The following IPPK variants were observed in gnomAD, a reference collection of about 807,000 sequenced individuals.
The protein encoded by IPPK is inositol-pentakisphosphate 2-kinase.
In IPPK, 22 loss-of-function variants were observed where a neutral mutation model predicts 64.6. The observed-to-expected ratio is 0.34, with a 90% CI of 0.24 to 0.49. The LOEUF is 0.49. Among genes scored for constraint, IPPK ranks in the 20% least tolerant of loss-of-function variants. IPPK has a pLI of 0.99. For synonymous variants in IPPK, 262 were observed against 247.2 expected, an observed-to-expected ratio of 1.06 and a Z score of -0.56; for missense variants, 532 against 630.7, an observed-to-expected ratio of 0.84 and a Z score of 1.68.
chr9:92,669,692 A>G (rs1852684121), intron 1 of IPPK, among the ~76,000 whole-genome samples: 1 of 149,830 alleles, frequency 6.7e-6, no homozygotes, highest in South Asian at 2.1e-4. Flanking sequence ...GGGCAATGGG[A>G]GACTGACCCA....
At chr9:92,659,943 G>C (rs1234070180) in intron 1 of IPPK, among the ~76,000 whole-genome samples, 1 of 152,028 alleles carries the variant, frequency 6.6e-6, no homozygotes, top group African/African-American at 2.4e-5. Context: ...TGAGACCTGG[G>C]GAAGCCAAGA....
At chr9:92,624,746 TCA>T (rs1374361782) in intron 11 of IPPK, among the ~76,000 whole-genome samples, 5 of 140,536 alleles carry the variant, frequency 3.6e-5, no homozygotes, top group African/African-American at 1.2e-4. Flanking sequence ...TCACTTAAAG[TCA>T]CAGTTTCCAC....
In IPPK at chr9:92,615,758, A is replaced by G. The variant is rs535773552; in HGVS notation, c.*74T>C. On this transcript the variant is annotated 3_prime_UTR_variant, in exon 13 of 13. Transcript: ENST00000287996. Reference sequence around the variant, plus strand: ...AAACATTCACAACCAAAGGTCACCCAACACAACAGAAAATATCTCTATCAT... The same window carrying G: ...AAACATTCACAACCAAAGGTCACCCGACACAACAGAAAATATCTCTATCAT... 1,017 of 1,275,000 alleles carry G rather than the reference A, an allele frequency of 8.0e-4. 7 individuals are homozygous for G. The highest frequency in any genetic ancestry group is 1.3e-3 in the Middle Eastern group (5 of 3,940). The allele number at this position is 1,275,000 out of a possible 1,614,324, so 79.0% of individuals were successfully genotyped here. A position where few individuals can be genotyped will look rare whatever the true frequency, so the allele number is the denominator to read the frequency against.
At chr9:92,630,461 G>A (rs1019951651) in intron 11 of IPPK, among the ~76,000 whole-genome samples, 2 of 152,160 alleles carry the variant, frequency 1.3e-5, no homozygotes, top group Non-Finnish European at 2.9e-5. Context: ...CTGTGCTGAT[G>A]ATTGCACGTA....
chr9:92,647,493 A>G (rs946694130), intron 6 of IPPK, among the ~76,000 whole-genome samples: 3 of 152,054 alleles, frequency 2.0e-5, no homozygotes, highest in African/African-American at 7.2e-5. Flanking sequence ...TGATTCAAAA[A>G]CCCTCAACAA....
intron 11 of IPPK, among the ~76,000 whole-genome samples, chr9:92,629,128 A>G (rs903740210): frequency 6.6e-6 from 1 of 152,126 alleles, no homozygotes; most frequent in African/African-American, 2.4e-5. Flanking sequence ...TCTACCTGAA[A>G]TCACATACAA....
intron 3 of IPPK, among the ~76,000 whole-genome samples, chr9:92,652,911 A>G (rs1019497071): frequency 1.3e-5 from 2 of 152,214 alleles, no homozygotes; most frequent in Non-Finnish European, 2.9e-5. Flanking sequence ...GGCTGGGCCC[A>G]CGGTGGTGAC....
intron 6 of IPPK, among the ~76,000 whole-genome samples, chr9:92,645,468 C>T (rs1852133415): frequency 6.6e-6 from 1 of 151,776 alleles, no homozygotes; most frequent in African/African-American, 2.4e-5. Flanking sequence ...ACTAGAGGGG[C>T]TCAAGAACAG....
chr9:92,651,159 T>G (rs1229928592), intron 4 of IPPK, among the ~76,000 whole-genome samples: 1 of 152,034 alleles, frequency 6.6e-6, no homozygotes, highest in Non-Finnish European at 1.5e-5. Flanking sequence ...CATTCCTCCC[T>G]GCCCCAGCCA....
chr9:92,664,655 G>A (rs919844217), intron 1 of IPPK, among the ~76,000 whole-genome samples: 4 of 152,234 alleles, frequency 2.6e-5, no homozygotes, highest in Non-Finnish European at 5.9e-5. Context: ...AGGGGAAGCA[G>A]GGCTGCCTAG....
chr9:92,629,346 G>A (rs1564029686), intron 11 of IPPK, among the ~76,000 whole-genome samples: 1 of 152,096 alleles, frequency 6.6e-6, no homozygotes, highest in Non-Finnish European at 1.5e-5. Flanking sequence ...TACCAAGAAA[G>A]TAAAAAGGCA....
intron 12 of IPPK, chr9:92,617,211 C>G (rs1441287112): frequency 6.6e-6 from 1 of 152,194 alleles, no homozygotes; most frequent in African/African-American, 2.4e-5. Context: ...ATTGGGAGAA[C>G]CTCAGAAGCC....
chr9:92,653,911 C>T (rs1564039119), intron 3 of IPPK, among the ~76,000 whole-genome samples: 1 of 152,288 alleles, frequency 6.6e-6, no homozygotes, highest in East Asian at 1.9e-4. Flanking sequence ...AGTACTGGCT[C>T]CACTCCAAAG....
chr9:92,669,907 C>T lies in IPPK; in HGVS notation c.81+1G>A, dbSNP rs1194713560. On this transcript the variant is annotated splice_donor_variant, in intron 1 of 12. Transcript: ENST00000287996. LOFTEE classifies it high-confidence loss of function. ...ACCTGCGCCGCACGTCCACCGCTCA[C>T]CTGCGCGTGGGCCACCACCAGGCTC... The T allele has an allele frequency of 6.2e-7, 1 of 1,610,502 alleles. No individual in the cohort carries two copies.
At chr9:92,638,803 CA>C (rs894724939) in intron 8 of IPPK, among the ~76,000 whole-genome samples, 12 of 152,346 alleles carry the variant, frequency 7.9e-5, no homozygotes, top group African/African-American at 2.6e-4. Flanking sequence ...CTGGCATCAC[CA>C]GTATGGTCCA....
intron 11 of IPPK, among the ~76,000 whole-genome samples, chr9:92,629,323 GCATCTAAGATATTAC>G (rs1377328857): frequency 1.3e-5 from 2 of 152,124 alleles, no homozygotes; most frequent in Non-Finnish European, 2.9e-5. Flanking sequence ...AAATGTTTGT[GCATCTAAGATATTAC>G]CAAGAAAGTA....
At chr9:92,657,028 C>T (rs1272018412) in intron 2 of IPPK, among the ~76,000 whole-genome samples, 1 of 152,106 alleles carries the variant, frequency 6.6e-6, no homozygotes, top group African/African-American at 2.4e-5. Flanking sequence ...CTCAATGGCC[C>T]AGTACAGCTG....
At chr9:92,656,391 C>T (rs569244407) in intron 3 of IPPK, 65 bp downstream of exon 3, 57 of 1,003,072 alleles carry the variant, frequency 5.7e-5, no homozygotes, top group Non-Finnish European at 8.3e-5. Flanking sequence ...CAAAGATCAC[C>T]GGGAAATTGG....
chr9:92,656,584 A>G, intron 2 of IPPK, 33 bp from the exon 3 acceptor site: 1 of 1,396,046 alleles, frequency 7.2e-7, no homozygotes, highest in Non-Finnish European at 1.0e-6. Flanking sequence ...AGCCTTCGTG[A>G]TGGGACCTCC....
Sources: gnomAD v4.1 joint callset for allele counts (sites outside exome capture counted in the v4.1 genomes callset) on GRCh38, gnomAD v4.1.1 for gene constraint, MANE v1.5 for transcripts, NCBI Gene and HGNC (gene_info 2026-07-23, HGNC 2026-07-21) for gene names.